The following CNBD1 variants were observed in gnomAD, a reference collection of about 807,000 sequenced individuals.
The protein encoded by CNBD1 is cyclic nucleotide binding domain containing 1, also known as cyclic nucleotide-binding domain-containing protein 1.
A neutral mutation model predicts 54.4 loss-of-function variants in CNBD1; 71 were observed. The ratio of observed to expected loss-of-function variants is 1.30; its 90% CI spans 1.08 to 1.59. CNBD1 has a LOEUF of 1.59. Ranked by LOEUF, CNBD1 falls within the 40% of genes most tolerant of loss-of-function variation. The pLI, the probability that CNBD1 is intolerant of heterozygous loss-of-function variation, is 0.00. For synonymous variants in CNBD1, 182 were observed against 170.7 expected (o/e 1.07, Z -0.51); for missense variants, 659 against 518.0 (o/e 1.27, Z -2.64).
At chr8:87,319,229 T>C (rs1666851855) in intron 8 of CNBD1, among the ~76,000 whole-genome samples, 1 of 152,018 alleles carries the variant, frequency 6.6e-6, no homozygotes, top group South Asian at 2.1e-4. Context: ...GAGGATAGTA[T>C]TACAGGAGGA....
chr8:87,218,739 T>C (rs897348252), intron 5 of CNBD1, among the ~76,000 whole-genome samples: 2 of 152,002 alleles, frequency 1.3e-5, no homozygotes, highest in African/African-American at 4.8e-5. Flanking sequence ...TTTTAAAAGA[T>C]TGAAATGTTT....
chr8:86,931,433 G>A (rs909215586), intron 3 of CNBD1, among the ~76,000 whole-genome samples: 13 of 152,002 alleles, frequency 8.6e-5, no homozygotes, highest in East Asian at 3.9e-4. Flanking sequence ...TGATTGCCTC[G>A]GCATAGTGGA....
At chr8:87,253,854 T>A (rs1586365973) in intron 6 of CNBD1, among the ~76,000 whole-genome samples, 1 of 152,154 alleles carries the variant, frequency 6.6e-6, no homozygotes, top group Middle Eastern at 3.4e-3. Context: ...GTCATGAGGA[T>A]TTCAAGAATA....
intron 4 of CNBD1, among the ~76,000 whole-genome samples, chr8:87,149,210 A>G (rs2130746533): frequency 6.6e-6 from 1 of 152,286 alleles, no homozygotes; most frequent in Non-Finnish European, 1.5e-5. Flanking sequence ...ATCACATTTA[A>G]CATTGAGTGT....
At chr8:87,301,320 G>A (rs999702491) in intron 8 of CNBD1, among the ~76,000 whole-genome samples, 1 of 152,032 alleles carries the variant, frequency 6.6e-6, no homozygotes, top group Non-Finnish European at 1.5e-5. Flanking sequence ...GATAGAGAAA[G>A]AAAGAACCCT....
At chr8:87,211,063 T>G (rs2130801330) in intron 5 of CNBD1, among the ~76,000 whole-genome samples, 1 of 152,272 alleles carries the variant, frequency 6.6e-6, no homozygotes, top group Non-Finnish European at 1.5e-5. Flanking sequence ...AGCCCACCAC[T>G]TGTACCAGTG....
chr8:87,055,000 A>G (rs1046548109), intron 4 of CNBD1, among the ~76,000 whole-genome samples: 2 of 152,194 alleles, frequency 1.3e-5, no homozygotes, highest in Admixed American at 6.5e-5. Context: ...GAAGCCTCAG[A>G]AATAAAAGTC....
At chr8:87,389,380 G>T (rs1811260922) in intron 2 of CNBD1, among the ~76,000 whole-genome samples, 1 of 152,176 alleles carries the variant, frequency 6.6e-6, no homozygotes, top group Non-Finnish European at 1.5e-5. Flanking sequence ...ATCTCTTCAA[G>T]CTGATAGGCA....
intron 4 of CNBD1, among the ~76,000 whole-genome samples, chr8:87,183,641 C>A (rs1463306617): frequency 1.3e-5 from 2 of 151,962 alleles, no homozygotes; most frequent in Non-Finnish European, 2.9e-5. Flanking sequence ...TGTACTAGTT[C>A]TTTTTCATCT....
chr8:87,093,834 C>T (rs1355046357), intron 4 of CNBD1, among the ~76,000 whole-genome samples: 2 of 152,228 alleles, frequency 1.3e-5, no homozygotes, highest in East Asian at 3.9e-4. Context: ...TTGAATGTAG[C>T]TTTATCAGAG....
At chr8:87,391,406 G>C (rs1006310800) in intron 2 of CNBD1, among the ~76,000 whole-genome samples, 7 of 152,052 alleles carry the variant, frequency 4.6e-5, no homozygotes, top group Non-Finnish European at 7.4e-5. Context: ...AGAGTTGCCA[G>C]AACAATCCTG....
rs1263675764 is a variant in CNBD1 at position 87,166,406 on chromosome 8, T to C, written c.432-39587T>C. The stretch of plus-strand genomic sequence containing the variant: ...TCCTTGGCAGGTTTGTATCTTCCAC[T>C]ACTTCTGCATGCCAGCCTAGTATTT... On this transcript the variant is annotated intron_variant, in intron 4 of 10. Transcript: ENST00000518476. The surrounding 1 kb of genome is among the most constrained non-coding windows in gnomAD (Gnocchi z 4.3). Among the ~76,000 whole-genome samples, 1 of 151,990 alleles carries C rather than the reference T, an allele frequency of 6.6e-6. No homozygotes were observed. The highest frequency in any genetic ancestry group is 1.5e-5 in the Non-Finnish European group (1 of 67,938).
intron 4 of CNBD1, among the ~76,000 whole-genome samples, chr8:87,203,421 A>G (rs918014455): frequency 6.6e-6 from 1 of 152,216 alleles, no homozygotes; most frequent in African/African-American, 2.4e-5. Context: ...AAATATTTAC[A>G]AAATTTGGCC....
intron 4 of CNBD1, among the ~76,000 whole-genome samples, chr8:86,951,259 T>C (rs1414365697): frequency 6.6e-6 from 1 of 152,000 alleles, no homozygotes; most frequent in Non-Finnish European, 1.5e-5. Flanking sequence ...ATGCAACTAT[T>C]CTTGATCTTT....
At chr8:87,195,961 C>T (rs560725246) in intron 4 of CNBD1, among the ~76,000 whole-genome samples, 4 of 152,218 alleles carry the variant, frequency 2.6e-5, no homozygotes, top group Admixed American at 6.5e-5. Flanking sequence ...TTTTTTGGCA[C>T]GCATCCTACC....
chr8:86,876,183 T>TTGTG (rs60866236), intron 1 of CNBD1, among the ~76,000 whole-genome samples: 10 of 150,458 alleles, frequency 6.6e-5, no homozygotes, highest in East Asian at 5.9e-4. Context: ...GTGTGTGTGT[T>TTGTG]TGTGTGTGTG....
intron 2 of CNBD1, among the ~76,000 whole-genome samples, chr8:87,417,244 C>T (rs895954634): frequency 1.1e-4 from 17 of 152,048 alleles, no homozygotes; most frequent in African/African-American, 4.1e-4. Flanking sequence ...TGGAGGGGAA[C>T]TGCCCTTCAT....
At chr8:86,963,461 G>C (rs892390566) in intron 4 of CNBD1, among the ~76,000 whole-genome samples, 4 of 152,114 alleles carry the variant, frequency 2.6e-5, no homozygotes, top group Admixed American at 2.0e-4. Context: ...GTGCCTCAGG[G>C]GGGTGTATGA....
At chr8:87,377,984 A>G (rs1810987329) in intron 10 of CNBD1, among the ~76,000 whole-genome samples, 1 of 137,986 alleles carries the variant, frequency 7.2e-6, no homozygotes, top group African/African-American at 2.8e-5. Flanking sequence ...TCCTTTGCCC[A>G]CTTTTTGATG....
Sources: allele counts gnomAD v4.1 joint callset (sites outside exome capture counted in the v4.1 genomes callset), GRCh38; gene constraint gnomAD v4.1.1; non-coding constraint Gnocchi (gnomAD v3.1); transcripts MANE v1.5; gene names NCBI Gene and HGNC (gene_info 2026-07-23, HGNC 2026-07-21).